RAB19: variants seen among roughly 807,000 people sequenced by gnomAD.
RAB19 encodes the protein ras-related protein Rab-19.
A neutral mutation model predicts 17.3 loss-of-function variants in RAB19; 21 were observed. That is an observed-to-expected ratio of 1.21 (90% CI 0.86 to 1.74). The LOEUF is 1.74. Ranked by LOEUF, RAB19 falls within the 40% of genes most tolerant of loss-of-function variation. RAB19 has a pLI of 0.00. For missense variants in RAB19, 277 were observed against 286.8 expected (o/e 0.97, Z 0.25); for synonymous variants, 126 against 110.4 (o/e 1.14, Z -0.88).
intron 3 of RAB19, among the ~76,000 whole-genome samples, chr7:140,412,813 C>T (rs1321257608): frequency 6.6e-6 from 1 of 151,236 alleles, no homozygotes; most frequent in African/African-American, 2.4e-5. Flanking sequence ...TAAGTGTTTA[C>T]CAATAATTTA....
In RAB19 at chr7:140,407,828, T is replaced by G. The variant is rs754122207; in HGVS notation, c.182T>G (p.Ile61Ser). The G allele has an allele frequency of 4.3e-6, 7 of 1,613,372 alleles. No individual in the cohort carries two copies. In the Admixed American group the frequency reaches 1.2e-4, roughly 27 times the overall value. ...GVDFTVRSLD[I>S]DGKKVKMQVW... Reference sequence around the variant, plus strand: ...GACTTTACCGTGCGTTCCCTTGATATTGACGGCAAAAAAGTGAAGGTCAGA... The same window carrying G: ...GACTTTACCGTGCGTTCCCTTGATAGTGACGGCAAAAAAGTGAAGGTCAGA... Residue 61 changes from isoleucine (I) to serine (S), a missense_variant, in exon 2 of 4, where the codon ATT (isoleucine) becomes AGT (serine). Transcript: ENST00000537763.
intron 1 of RAB19, among the ~76,000 whole-genome samples, chr7:140,407,018 T>C (rs1799254861): frequency 6.6e-6 from 1 of 152,048 alleles, no homozygotes; most frequent in African/African-American, 2.4e-5. Flanking sequence ...CCCGAATAGC[T>C]GAGATTATAG....
intron 3 of RAB19, among the ~76,000 whole-genome samples, chr7:140,414,951 T>C (rs1193579362): frequency 6.6e-6 from 1 of 152,090 alleles, no homozygotes; most frequent in Non-Finnish European, 1.5e-5. Context: ...GATGTACATA[T>C]TCCTGAACAT....
chr7:140,411,891 A>G lies in RAB19; in HGVS notation c.219A>G (p.Thr73=), dbSNP rs1799369372. The change falls in exon 3 of 4, where the codon ACA becomes ACG. Residue 73 remains threonine (T), a synonymous_variant. Coordinates refer to ENST00000537763, the MANE Select transcript of RAB19 (RefSeq NM_001008749.3). ...GKKVKMQVWD[T]AGQERFRTIT... is the part of the protein sequence containing the mutation. ...TTCTCCAGATGCAGGTGTGGGACAC[A>G]GCTGGCCAGGAGCGCTTCCGCACCA... is the stretch of plus-strand genomic sequence containing the variant. 1.9e-6 allele frequency: 3 copies of G among 1,614,098 alleles called. No individual in the cohort carries two copies. Among genetic ancestry groups the G allele is most frequent in the Admixed American group, 1.7e-5 (1 of 59,994 alleles).
At chr7:140,404,365 G>C (rs565094852) in intron 1 of RAB19, 148 bp downstream of exon 1, 6 of 152,114 alleles carry the variant, frequency 3.9e-5, no homozygotes, top group African/African-American at 1.2e-4. Context: ...TCCTGAGGGT[G>C]GGGGGAGACA....
chr7:140,411,627 A>G (rs1200649703), intron 2 of RAB19, among the ~76,000 whole-genome samples: 1 of 152,090 alleles, frequency 6.6e-6, no homozygotes, highest in Non-Finnish European at 1.5e-5. Context: ...TCCTGGGCCA[A>G]ATGTGTCCCG....
intron 3 of RAB19, among the ~76,000 whole-genome samples, chr7:140,419,250 AG>A (rs1161517442): frequency 6.6e-6 from 1 of 151,758 alleles, no homozygotes; most frequent in Non-Finnish European, 1.5e-5. Context: ...TTGTATTTTT[AG>A]TACAGATGCG....
At chr7:140,421,184 C>A (rs892466904) in intron 3 of RAB19, among the ~76,000 whole-genome samples, 1 of 151,974 alleles carries the variant, frequency 6.6e-6, no homozygotes, top group Non-Finnish European at 1.5e-5. Context: ...AGCCACCACG[C>A]CTGGCCTTTT....
intron 3 of RAB19, among the ~76,000 whole-genome samples, chr7:140,421,073 A>G (rs1799554312): frequency 2.6e-5 from 4 of 151,644 alleles, no homozygotes. Flanking sequence ...TCGTATTTTT[A>G]ATAGAGACGG....
intron 3 of RAB19, among the ~76,000 whole-genome samples, chr7:140,423,356 C>T (rs760456642): frequency 3.3e-5 from 5 of 151,486 alleles, no homozygotes; most frequent in African/African-American, 7.3e-5. Context: ...AGGAGAATTG[C>T]TTGAACCTGG....
At chr7:140,423,887 C>T (rs1799605210) in intron 3 of RAB19, among the ~76,000 whole-genome samples, 2 of 151,958 alleles carry the variant, frequency 1.3e-5, no homozygotes, top group Admixed American at 6.6e-5. Context: ...GAATTTTACT[C>T]TTGTTACCCA....
At position 140,423,946 on chromosome 7, in the gene RAB19, C is replaced by G. The variant is rs533335994; in HGVS notation, c.386-1936C>G. On this transcript the variant is annotated intron_variant, in intron 3 of 3. Transcript: ENST00000537763. Reference sequence around the variant, plus strand: ...TTAGTTCACTGCAACCTCCGCCTCCCGGGTTCAAGTGATTCTCCTGCCTCA... The same window carrying G: ...TTAGTTCACTGCAACCTCCGCCTCCGGGGTTCAAGTGATTCTCCTGCCTCA... 8.6e-5 allele frequency among the ~76,000 whole-genome samples: 13 copies of G among 150,886 alleles called. 1 individual carries two copies. Among genetic ancestry groups the G allele is most frequent in the African/African-American group, 3.2e-4 (13 of 41,048 alleles).
At chr7:140,407,880 C>CTTTTT (rs71170993) in intron 2 of RAB19, 33 bp downstream of exon 2, 57 of 639,532 alleles carry the variant, frequency 8.9e-5, no homozygotes, top group Middle Eastern at 4.8e-4. Flanking sequence ...CTGGTTCCAC[C>CTTTTT]TTTTTTTTTT....
chr7:140,425,785 T>C lies in RAB19; in HGVS notation c.386-97T>C, dbSNP rs1306244145. The C allele has an allele frequency of 3.1e-6, 4 of 1,286,426 alleles. No individual in the cohort carries two copies. In the African/African-American group the frequency reaches 6.0e-5, roughly 19 times the overall value. 79.7% of individuals were successfully genotyped at this position (1,286,426 alleles called of 1,614,324 possible). ...GACCATTTGTGAATGAATGCATGCA[T>C]GCCTATTGAAGAACTAAAATGTTAC... On this transcript the variant is annotated intron_variant, in intron 3 of 3. Transcript: ENST00000537763.
At chr7:140,404,774 G>C (rs1315652779) in intron 1 of RAB19, among the ~76,000 whole-genome samples, 1 of 152,192 alleles carries the variant, frequency 6.6e-6, no homozygotes, top group Non-Finnish European at 1.5e-5. Context: ...ATTGGATGAG[G>C]AGTCCGAACA....
chr7:140,421,447 A>G (rs1196601836), intron 3 of RAB19, among the ~76,000 whole-genome samples: 1 of 151,130 alleles, frequency 6.6e-6, no homozygotes, highest in East Asian at 2.0e-4. Flanking sequence ...TGCAACCTCC[A>G]CCTCCTAGGT....
chr7:140,418,335 TGAGCTCAGGAGTTG>T (rs1461113805), intron 3 of RAB19, among the ~76,000 whole-genome samples: 1 of 142,926 alleles, frequency 7.0e-6, no homozygotes, highest in Non-Finnish European at 1.5e-5. Context: ...GTGGATTGCC[TGAGCTCAGGAGTTG>T]GAGACCAGCC....
At position 140,407,842 on chromosome 7, in the gene RAB19, G is replaced by T. The variant is rs1451718336; in HGVS notation, c.196G>T (p.Val66Leu). Residue 66 changes from valine (V) to leucine (L), a missense_variant, in exon 2 of 4, where the codon GTG becomes TTG. Val to Leu is a conservative substitution (Grantham distance 32). Transcript: ENST00000537763. ...TTCCCTTGATATTGACGGCAAAAAA[G>T]TGAAGGTCAGAGGGCACCGGGACGG... ...VRSLDIDGKK[V>L]KMQVWDTAGQ... 1.2e-5 allele frequency: 17 copies of T among 1,415,762 alleles called. No homozygotes were observed. In the Admixed American group the frequency reaches 3.0e-4, roughly 25 times the overall value. 87.7% of individuals were successfully genotyped at this position (1,415,762 alleles called of 1,614,324 possible). A position where few individuals can be genotyped will look rare whatever the true frequency, so the allele number is the denominator to read the frequency against.
intron 3 of RAB19, among the ~76,000 whole-genome samples, chr7:140,414,931 C>T (rs1799428404): frequency 6.6e-6 from 1 of 152,112 alleles, no homozygotes; most frequent in Non-Finnish European, 1.5e-5. Context: ...GCCCCCATTT[C>T]CCTTAGAATG....
Sources: gnomAD v4.1 joint callset for allele counts (sites outside exome capture counted in the v4.1 genomes callset) on GRCh38, gnomAD v4.1.1 for gene constraint, MANE v1.5 for transcripts, NCBI Gene and HGNC (gene_info 2026-07-23, HGNC 2026-07-21) for gene names.